PTPRK: variants seen among roughly 807,000 people sequenced by gnomAD.
PTPRK encodes the protein protein tyrosine phosphatase receptor type K.
A neutral mutation model predicts 178.0 loss-of-function variants in PTPRK; 75 were observed. The ratio of observed to expected loss-of-function variants is 0.42; its 90% CI spans 0.35 to 0.51. The LOEUF (loss-of-function observed/expected upper bound fraction) is 0.51. PTPRK is among the 20% of genes least tolerant of loss of function. PTPRK has a pLI of 0.02. For missense variants in PTPRK, 1,441 were observed against 1,797.8 expected, an observed-to-expected ratio of 0.80 and a Z score of 3.59; for synonymous variants, 637 against 620.6, an observed-to-expected ratio of 1.03 and a Z score of -0.39.
chr6:128,284,438 C>T (rs73596680), intron 3 of PTPRK, among the ~76,000 whole-genome samples: 1,892 of 152,276 alleles, frequency 0.012, 37 homozygotes, highest in African/African-American at 0.043. Flanking sequence ...GATACTGACC[C>T]ATGTGTGTTT....
intron 13 of PTPRK, among the ~76,000 whole-genome samples, chr6:128,017,869 G>T (rs567106724): frequency 5.2e-5 from 7 of 135,518 alleles, no homozygotes; most frequent in African/African-American, 1.9e-4. Flanking sequence ...ATCTCCACCA[G>T]CCACTGTAAG....
At chr6:128,460,259 T>G (rs75898387) in intron 1 of PTPRK, among the ~76,000 whole-genome samples, 2,516 of 152,204 alleles carry the variant, frequency 0.017, 29 homozygotes, top group Non-Finnish European at 0.027. Flanking sequence ...AATGCCCTTT[T>G]CCAGCTGGGC....
intron 1 of PTPRK, among the ~76,000 whole-genome samples, chr6:128,437,253 T>A (rs1049066612): frequency 2.0e-5 from 3 of 152,192 alleles, no homozygotes; most frequent in African/African-American, 7.2e-5. Context: ...GCTTTAAAGA[T>A]AAGCGTAATA....
intron 13 of PTPRK, among the ~76,000 whole-genome samples, chr6:128,017,221 T>A (rs1273627093): frequency 6.6e-6 from 1 of 152,052 alleles, no homozygotes; most frequent in African/African-American, 2.4e-5. Context: ...CGTAAACGGA[T>A]CTTTGTTTAG....
intron 13 of PTPRK, among the ~76,000 whole-genome samples, chr6:128,059,625 G>T (rs1780486331): frequency 6.6e-6 from 1 of 152,110 alleles, no homozygotes. Context: ...CTGACAGTTT[G>T]ATCAGTTTAT....
At chr6:128,208,683 A>T (rs73588690) in intron 6 of PTPRK, among the ~76,000 whole-genome samples, 2,440 of 152,258 alleles carry the variant, frequency 0.016, 54 homozygotes, top group African/African-American at 0.055. Context: ...AACATGAAAA[A>T]TTCCAATAAT....
At chr6:128,301,647 C>T (rs530753261) in intron 3 of PTPRK, among the ~76,000 whole-genome samples, 3 of 152,190 alleles carry the variant, frequency 2.0e-5, no homozygotes, top group Admixed American at 6.5e-5. Flanking sequence ...TAAAAAGAGT[C>T]TTTTTGCCTT....
chr6:128,308,004 A>G (rs926116675), intron 3 of PTPRK, among the ~76,000 whole-genome samples: 2 of 152,176 alleles, frequency 1.3e-5, no homozygotes, highest in Non-Finnish European at 2.9e-5. Context: ...TTACCACTAG[A>G]AAACCAGAAA....
chr6:128,066,986 T>A (rs1317037257), intron 12 of PTPRK, among the ~76,000 whole-genome samples: 2 of 152,172 alleles, frequency 1.3e-5, no homozygotes, highest in Non-Finnish European at 2.9e-5. Flanking sequence ...CCAGGCTGCC[T>A]TTTGTTTAGG....
intron 2 of PTPRK, among the ~76,000 whole-genome samples, chr6:128,365,724 A>T (rs761907041): frequency 2.6e-5 from 4 of 152,088 alleles, no homozygotes; most frequent in Non-Finnish European, 5.9e-5. Flanking sequence ...GAGAACAGGT[A>T]CCTCTCCTGG....
intron 1 of PTPRK, among the ~76,000 whole-genome samples, chr6:128,488,866 T>C (rs554787307): frequency 1.9e-3 from 284 of 152,236 alleles, no homozygotes; most frequent in Non-Finnish European, 3.4e-3. Flanking sequence ...AATAAATACT[T>C]TTTCAGCTTG....
intron 11 of PTPRK, among the ~76,000 whole-genome samples, chr6:128,074,237 C>T (rs115513335): frequency 0.011 from 1,634 of 151,950 alleles, 28 homozygotes; most frequent in African/African-American, 0.037. Flanking sequence ...CTTCCTGCAG[C>T]GCAAAATGGG....
rs190059013 is a variant in PTPRK, at chr6:128,508,899, A to G, written c.100+11360T>C. Among the ~76,000 whole-genome samples, 1,008 of 151,762 alleles carry G rather than the reference A, an allele frequency of 6.6e-3. 9 individuals are homozygous for G. The highest frequency in any genetic ancestry group is 0.031 in the South Asian group (149 of 4,808). On this transcript the variant is annotated intron_variant, in intron 1 of 29. Transcript: ENST00000368226. ...GAGGCGGAGGTTGCGGTGAGCCAAG[A>G]TCATGCCACTGCACTCCAGCCTGAG...
At chr6:128,017,028 T>C (rs1779667499) in intron 13 of PTPRK, among the ~76,000 whole-genome samples, 1 of 152,014 alleles carries the variant, frequency 6.6e-6, no homozygotes, top group Non-Finnish European at 1.5e-5. Flanking sequence ...CAGGCCTAGT[T>C]CTTTTCTTCT....
At chr6:128,241,987 C>T (rs1381631833) in intron 4 of PTPRK, among the ~76,000 whole-genome samples, 38 of 140,906 alleles carry the variant, frequency 2.7e-4, no homozygotes, top group African/African-American at 8.7e-4. Flanking sequence ...GATAGGGTTT[C>T]ACCATTTTGG....
rs201513288 is a variant in PTPRK, at chr6:128,184,394, C to T, written c.1162+38G>A. ...GTATTAATGTGTCTTATGCTAGATT[C>T]CTTCACAAGGTAGAAAAGGTCTGCT... On this transcript the variant is annotated intron_variant, in intron 7 of 29. Coordinates refer to ENST00000368226, the MANE Select transcript of PTPRK (RefSeq NM_002844.4). 95 of 1,591,012 alleles carry T rather than the reference C, an allele frequency of 6.0e-5. 1 individual carries two copies. The East Asian group carries it at 1.3e-3, about 22-fold the overall frequency.
intron 6 of PTPRK, among the ~76,000 whole-genome samples, chr6:128,201,962 G>C (rs975506321): frequency 1.3e-5 from 2 of 152,076 alleles, no homozygotes; most frequent in African/African-American, 4.8e-5. Flanking sequence ...AGCAAGACTA[G>C]TATTAATAAA....
At chr6:128,481,313 G>T (rs767761297) in intron 1 of PTPRK, among the ~76,000 whole-genome samples, 5 of 152,064 alleles carry the variant, frequency 3.3e-5, no homozygotes, top group Non-Finnish European at 7.4e-5. Flanking sequence ...CCAAGATTTA[G>T]AATATGAAAT....
intron 1 of PTPRK, among the ~76,000 whole-genome samples, chr6:128,501,852 G>C (rs190630176): frequency 3.3e-5 from 5 of 152,160 alleles, no homozygotes; most frequent in Non-Finnish European, 1.5e-5. Flanking sequence ...GCAGTATTAA[G>C]ATGAAAAAAC....
Sources: allele counts gnomAD v4.1 joint callset (sites outside exome capture counted in the v4.1 genomes callset), GRCh38; gene constraint gnomAD v4.1.1; transcripts MANE v1.5; gene names NCBI Gene and HGNC (gene_info 2026-07-23, HGNC 2026-07-21).